The following BICD2 variants were observed in gnomAD, a reference collection of about 807,000 sequenced individuals.
The protein encoded by BICD2 is BICD cargo adaptor 2.
A neutral mutation model predicts 72.9 loss-of-function variants in BICD2; 25 were observed. That is an observed-to-expected ratio of 0.34 (90% CI 0.25 to 0.48). The LOEUF (loss-of-function observed/expected upper bound fraction) is 0.48. Ranked by LOEUF, BICD2 falls within the 20% of genes least tolerant of loss-of-function variation. The pLI is 0.99. For synonymous variants in BICD2, 501 were observed against 516.1 expected (o/e 0.97, Z 0.40); for missense variants, 894 against 1,175.2 (o/e 0.76, Z 3.50).
At chr9:92,730,658 T>TTG (rs200208860) in intron 1 of BICD2, among the ~76,000 whole-genome samples, 2 of 152,202 alleles carry the variant, frequency 1.3e-5, no homozygotes, top group African/African-American at 2.4e-5. Flanking sequence ...GATGTATGTG[T>TTG]TGTGTGTGTG....
At position 92,731,421 on chromosome 9, in the gene BICD2, T is replaced by G. The variant is rs142057468; in HGVS notation, c.241-2185A>C. On this transcript the variant is annotated intron_variant, in intron 1 of 6. Coordinates refer to ENST00000356884, the MANE Select transcript of BICD2 (RefSeq NM_001003800.2). ...ACACACTGAGATACAGACTTCCGCG[T>G]ACAGCCAAGATGAGATTGTTGCAGA... Among the ~76,000 whole-genome samples the G allele has an allele frequency of 6.5e-3, 987 of 151,758 alleles. 10 individuals are homozygous for G. The highest frequency in any genetic ancestry group is 0.022 in the African/African-American group (914 of 41,336).
intron 1 of BICD2, among the ~76,000 whole-genome samples, chr9:92,756,995 T>A (rs1368446215): frequency 6.6e-6 from 1 of 151,910 alleles, no homozygotes; most frequent in Non-Finnish European, 1.5e-5. Flanking sequence ...CTAATGCCAG[T>A]GCAGTATGAA....
chr9:92,718,516 G>A (rs374897688), intron 5 of BICD2, 23 bp downstream of exon 5: 98 of 1,589,800 alleles, frequency 6.2e-5, no homozygotes, highest in Non-Finnish European at 8.2e-5. Flanking sequence ...GGTGACATGT[G>A]CCCCTGCTGC....
intron 1 of BICD2, among the ~76,000 whole-genome samples, chr9:92,746,176 C>T (rs1371637453): frequency 4.6e-5 from 7 of 152,316 alleles, no homozygotes; most frequent in East Asian, 1.9e-4. Context: ...CCCTCCTGCT[C>T]GGACATGTTG....
intron 5 of BICD2, among the ~76,000 whole-genome samples, 160 bp from the exon 6 acceptor site, chr9:92,718,108 C>A (rs1290843982): frequency 6.6e-6 from 1 of 152,160 alleles, no homozygotes; most frequent in Non-Finnish European, 1.5e-5. Context: ...GGATGGACTC[C>A]AGCAGCTACG....
chr9:92,754,061 C>T (rs796950117), intron 1 of BICD2, among the ~76,000 whole-genome samples: 15 of 151,176 alleles, frequency 9.9e-5, no homozygotes, highest in Middle Eastern at 3.4e-3. Flanking sequence ...AGGAGAATGG[C>T]GTGAACCCGG....
chr9:92,744,168 T>C (rs1409061673), intron 1 of BICD2, among the ~76,000 whole-genome samples: 1 of 152,044 alleles, frequency 6.6e-6, no homozygotes, highest in African/African-American at 2.4e-5. Context: ...TGACAGTGGG[T>C]GAGGAAGGCG....
chr9:92,728,199 T>C (rs1853605011), intron 2 of BICD2, among the ~76,000 whole-genome samples: 1 of 152,176 alleles, frequency 6.6e-6, no homozygotes, highest in Non-Finnish European at 1.5e-5. Context: ...GGCCACATCG[T>C]TCCCCTGGGC....
In BICD2 at chr9:92,729,099, C is replaced by G. The variant is rs374643299; in HGVS notation, c.378G>C (p.Lys126Asn). The change falls in exon 2 of 7, where the codon AAG becomes AAC. Residue 126 changes from lysine (K) to asparagine (N), a missense_variant. By Grantham distance (94) the Lys-to-Asn change is moderately conservative. Coordinates refer to ENST00000356884, the MANE Select transcript of BICD2 (RefSeq NM_001003800.2). ...TGTTGGTGAGGACATTGCGCAACTG[C>G]TTCAGCTCCGTCTGCAGCTCTAGCA... is the stretch of plus-strand genomic sequence containing the variant. ...RKVLELQTELKQLRNVLTNTQ... is the reference protein window; with the variant it reads ...RKVLELQTELNQLRNVLTNTQ... 49 of 1,614,142 alleles carry G rather than the reference C, an allele frequency of 3.0e-5. 1 individual carries two copies. The South Asian group carries it at 5.3e-4, about 17-fold the overall frequency.
chr9:92,726,523 C>G (rs921262076), intron 2 of BICD2, among the ~76,000 whole-genome samples: 12 of 152,084 alleles, frequency 7.9e-5, no homozygotes, highest in African/African-American at 2.7e-4. Flanking sequence ...TGGCTCAGAC[C>G]AGCAGAACAG....
At position 92,717,913 on chromosome 9, in the gene BICD2, C is replaced by T; in HGVS notation, c.2142G>A (p.Lys714=). 6.2e-7 allele frequency: 1 copy of T among 1,613,684 alleles called. No homozygotes were observed. Among genetic ancestry groups the T allele is most frequent in the Non-Finnish European group, 8.5e-7 (1 of 1,180,012 alleles). The change falls in exon 6 of 7, where the codon AAG becomes AAA. Residue 714 remains lysine (K), a synonymous_variant. Transcript: ENST00000356884. ...AEVALANLKS[K]YENEKAMVTE... ...TAACCATGGCCTTCTCATTCTCATACTTGCTCTTCAGGTTGGCAAGGGCCA... is the reference window on the plus strand; with the variant it reads ...TAACCATGGCCTTCTCATTCTCATATTTGCTCTTCAGGTTGGCAAGGGCCA...
intron 1 of BICD2, among the ~76,000 whole-genome samples, chr9:92,756,960 C>T (rs902303289): frequency 7.2e-5 from 11 of 152,044 alleles, no homozygotes. Flanking sequence ...GCACCCTCCA[C>T]AGCATAAAAA....
chr9:92,762,229 T>C (rs2131540756), intron 1 of BICD2, among the ~76,000 whole-genome samples: 1 of 150,256 alleles, frequency 6.7e-6, no homozygotes, highest in Admixed American at 6.6e-5. Flanking sequence ...CCTTAAATCT[T>C]GTGGTTTTTT....
intron 1 of BICD2, among the ~76,000 whole-genome samples, chr9:92,746,190 T>C (rs1854009310): frequency 6.6e-6 from 1 of 152,144 alleles, no homozygotes; most frequent in Non-Finnish European, 1.5e-5. Flanking sequence ...CATGTTGATA[T>C]GTGAATACAG....
chr9:92,736,333 C>G (rs529971391), intron 1 of BICD2, among the ~76,000 whole-genome samples: 1 of 152,328 alleles, frequency 6.6e-6, no homozygotes, highest in South Asian at 2.1e-4. Flanking sequence ...AAAAGACACT[C>G]CCATCAGGAC....
intron 1 of BICD2, among the ~76,000 whole-genome samples, chr9:92,738,908 T>C (rs1317158257): frequency 6.6e-6 from 1 of 152,252 alleles, no homozygotes; most frequent in Non-Finnish European, 1.5e-5. Context: ...TTCCTTCATC[T>C]GCTAGGCTGA....
chr9:92,717,683 C>G lies in BICD2; in HGVS notation c.2258+114G>C, dbSNP rs917684452. The G allele has an allele frequency of 3.0e-6, 4 of 1,353,884 alleles. No homozygotes were observed. The Admixed American group carries it at 1.2e-4, about 39-fold the overall frequency. The allele number at this position is 1,353,884 out of a possible 1,614,324, so 83.9% of individuals were successfully genotyped here. On this transcript the variant is annotated intron_variant, in intron 6 of 6. Transcript: ENST00000356884. ...TGATGGAGCTGGGCACAGCCACTGA[C>G]TAGTCAGGGCTGCAGGCCTCAGCAT...
chr9:92,734,865 C>T (rs1853749281), intron 1 of BICD2, among the ~76,000 whole-genome samples: 2 of 152,166 alleles, frequency 1.3e-5, no homozygotes, highest in Admixed American at 6.5e-5. Flanking sequence ...CCAGATGTGC[C>T]CTCCATCCCA....
rs749768835 is a variant in BICD2 at position 92,718,573 on chromosome 9, G to C, written c.2072C>G (p.Thr691Ser). 1 of 1,613,244 alleles carries C rather than the reference G, an allele frequency of 6.2e-7. No individual in the cohort carries two copies. The highest frequency in any genetic ancestry group is 8.5e-7 in the Non-Finnish European group (1 of 1,179,978). The stretch of plus-strand genomic sequence containing the variant: ...GGCCTTGAGCACAGTGCGCAGCGTG[G>C]TGATCTGCTCCCGCTTGGTGCTGAG... ...SLLSTKREQI[T>S]TLRTVLKANK... Residue 691 changes from threonine to serine, a missense_variant, in exon 5 of 7, where the codon ACC becomes AGC. This residue lies in a region of BICD2 where 321 missense variants were observed against 443.9 expected (regional missense o/e 0.72). Transcript: ENST00000356884.
Sources: gnomAD v4.1 joint callset for allele counts (sites outside exome capture counted in the v4.1 genomes callset) on GRCh38, gnomAD v4.1.1 for gene constraint, gnomAD v4.1.1 regional missense constraint, MANE v1.5 for transcripts, NCBI Gene and HGNC (gene_info 2026-07-23, HGNC 2026-07-21) for gene names.